Variants in CCDC158 observed in about 807,000 individuals in gnomAD.
CCDC158 encodes coiled-coil domain containing 158.
In CCDC158, 116 loss-of-function variants were observed where a neutral mutation model predicts 138.6. The observed-to-expected ratio is 0.84, with a 90% CI of 0.72 to 0.98. The LOEUF is 0.98. Ranked by LOEUF, CCDC158 falls within the 50% of genes least tolerant of loss-of-function variation. The pLI is 0.00. For missense variants in CCDC158, 1,265 were observed against 1,306.1 expected (o/e 0.97, Z 0.48); for synonymous variants, 436 against 442.4 (o/e 0.99, Z 0.18).
intron 24 of CCDC158, among the ~76,000 whole-genome samples, chr4:76,317,871 A>T (rs1719554816): frequency 6.6e-6 from 1 of 152,206 alleles, no homozygotes; most frequent in South Asian, 2.1e-4. Flanking sequence ...AAAACTATAT[A>T]AATACATGGA....
In CCDC158 at chr4:76,351,755, C is replaced by T; in HGVS notation, c.2503G>A (p.Val835Met). The change falls in exon 17 of 25, where the codon GTG (valine) becomes ATG (methionine). Residue 835 changes from valine to methionine, a missense_variant. Coordinates refer to ENST00000682701, the MANE Select transcript of CCDC158 (RefSeq NM_001394954.1). ...AAAGTGTGTTGAAGTTTTAAGCGCA[C>T]TGATTCTTGCTCCTGACGCTGTATT... Reference protein sequence around the residue: ...DIIQRQEQESVRLKLQHTLDI... With the variant: ...DIIQRQEQESMRLKLQHTLDI... 2 of 1,613,384 alleles carry T rather than the reference C, an allele frequency of 1.2e-6. No individual in the cohort carries two copies. The highest frequency in any genetic ancestry group is 1.7e-6 in the Non-Finnish European group (2 of 1,179,464).
intron 1 of CCDC158, among the ~76,000 whole-genome samples, chr4:76,420,639 C>T (rs1024726340): frequency 6.6e-6 from 1 of 152,182 alleles, no homozygotes; most frequent in South Asian, 2.1e-4. Context: ...CCCCTGTTCG[C>T]GGCAGCGCGG....
At chr4:76,321,853 G>A (rs1273894622) in intron 24 of CCDC158, among the ~76,000 whole-genome samples, 1 of 149,870 alleles carries the variant, frequency 6.7e-6, no homozygotes, top group Non-Finnish European at 1.5e-5. Flanking sequence ...AATGGCATTT[G>A]TAGCAACCTG....
chr4:76,360,233 T>C (rs1724000810), intron 13 of CCDC158, among the ~76,000 whole-genome samples: 1 of 152,138 alleles, frequency 6.6e-6, no homozygotes, highest in Non-Finnish European at 1.5e-5. Flanking sequence ...AGAGGATATA[T>C]GGAAATGCCT....
At chr4:76,354,774 T>C (rs1723384189) in intron 15 of CCDC158, among the ~76,000 whole-genome samples, 1 of 152,156 alleles carries the variant, frequency 6.6e-6, no homozygotes, top group African/African-American at 2.4e-5. Context: ...TACAGGAAAC[T>C]CTCCTCCTAC....
At chr4:76,391,429 A>G (rs1165964306) in intron 4 of CCDC158, among the ~76,000 whole-genome samples, 1 of 152,088 alleles carries the variant, frequency 6.6e-6, no homozygotes, top group African/African-American at 2.4e-5. Flanking sequence ...CTAAATGACC[A>G]GTGAGTCAAT....
chr4:76,353,081 T>A (rs775729627), intron 16 of CCDC158, 42 bp downstream of exon 16: 2 of 1,501,010 alleles, frequency 1.3e-6, no homozygotes, highest in Non-Finnish European at 1.8e-6. Flanking sequence ...GGTTAATAAC[T>A]ATTTAGTTGA....
At chr4:76,346,123 A>G (rs1722521126) in intron 18 of CCDC158, among the ~76,000 whole-genome samples, 1 of 152,214 alleles carries the variant, frequency 6.6e-6, no homozygotes, top group South Asian at 2.1e-4. Flanking sequence ...AAACCCAACA[A>G]AAACAAGAAA....
intron 18 of CCDC158, among the ~76,000 whole-genome samples, chr4:76,340,370 C>A (rs1368123064): frequency 6.6e-6 from 1 of 152,206 alleles, no homozygotes; most frequent in East Asian, 1.9e-4. Context: ...GGATCCGTCA[C>A]CCATTTGTGA....
At chr4:76,403,336 A>G in intron 2 of CCDC158, 56 bp from the exon 3 acceptor site, 1 of 541,842 alleles carries the variant, frequency 1.8e-6, no homozygotes. Context: ...AAAAAAGTTC[A>G]TAGAAGAACA....
chr4:76,315,481 C>T (rs1719297995), intron 24 of CCDC158, among the ~76,000 whole-genome samples: 2 of 152,176 alleles, frequency 1.3e-5, no homozygotes, highest in East Asian at 3.8e-4. Flanking sequence ...GAAAGTGCCA[C>T]CCCTTGGCTG....
At chr4:76,324,518 A>G (rs190712972) in intron 23 of CCDC158, among the ~76,000 whole-genome samples, 4 of 152,274 alleles carry the variant, frequency 2.6e-5, no homozygotes, top group Admixed American at 2.6e-4. Flanking sequence ...TATAAAATAT[A>G]GGTTTGATGA....
chr4:76,353,200 C>CA lies in CCDC158; in HGVS notation c.2367dup (p.Gly790TrpfsTer19). The CA allele has an allele frequency of 6.2e-7, 1 of 1,613,808 alleles. No homozygotes were observed. The highest frequency in any genetic ancestry group is 8.5e-7 in the Non-Finnish European group (1 of 1,179,846). ...TGAGATCGCAGAACTTCCAACTCCC[C>CA]AGCCATCTTGTTTTTTTCTGTGGCA... On this transcript the variant is annotated frameshift_variant, in exon 16 of 25. Transcript: ENST00000682701. LOFTEE classifies it high-confidence loss of function.
intron 9 of CCDC158, chr4:76,375,644 A>G (rs1262592342): frequency 1.4e-6 from 1 of 702,128 alleles, no homozygotes. Flanking sequence ...CCAAATCTAC[A>G]GAGCCAATAG....
chr4:76,375,533 T>A (rs1052184448), intron 9 of CCDC158: 1 of 701,946 alleles, frequency 1.4e-6, no homozygotes, highest in Non-Finnish European at 2.6e-6. Flanking sequence ...ACTTTTTTAA[T>A]ACAAAATTCA....
Position 76,396,617 on chromosome 4 carries a change from T to A in CCDC158, c.71-131A>T, listed in dbSNP as rs918096978. ...CCTCTGCCTCCCGGGTTCAAGCAAT[T>A]CTCCTGCCTCAGCCTCCTGAGTAGC... On this transcript the variant is annotated intron_variant, in intron 3 of 24. Transcript: ENST00000682701. 8.1e-6 allele frequency: 5 copies of A among 620,352 alleles called. No individual in the cohort carries two copies. The African/African-American group carries it at 9.4e-5, about 12-fold the overall frequency. 38.4% of individuals were successfully genotyped at this position (620,352 alleles called of 1,614,324 possible).
chr4:76,338,023 C>T (rs776167968), intron 18 of CCDC158, among the ~76,000 whole-genome samples: 12 of 152,178 alleles, frequency 7.9e-5, no homozygotes, highest in Non-Finnish European at 1.6e-4. Context: ...CCCCATCACT[C>T]ACATTACCGT....
intron 12 of CCDC158, among the ~76,000 whole-genome samples, chr4:76,363,268 G>T (rs62300857): frequency 0.22 from 33,375 of 152,098 alleles, 3,862 homozygotes; most frequent in Middle Eastern, 0.28. Flanking sequence ...ATGTTGTCAC[G>T]GTGTCTTGCT....
chr4:76,313,634 T>C (rs903869940), intron 24 of CCDC158, among the ~76,000 whole-genome samples: 2 of 152,168 alleles, frequency 1.3e-5, no homozygotes, highest in Admixed American at 6.5e-5. Flanking sequence ...GTAATACTAA[T>C]TGTAAATAAT....
Sources: gnomAD v4.1 joint callset for allele counts (sites outside exome capture counted in the v4.1 genomes callset) on GRCh38, gnomAD v4.1.1 for gene constraint, MANE v1.5 for transcripts, NCBI Gene and HGNC (gene_info 2026-07-23, HGNC 2026-07-21) for gene names.